Variants in MGLL observed in about 807,000 individuals in gnomAD.
MGLL encodes monoglyceride lipase.
A neutral mutation model predicts 29.1 loss-of-function variants in MGLL; 7 were observed. That is an observed-to-expected ratio of 0.24 (90% CI 0.14 to 0.45). The LOEUF (loss-of-function observed/expected upper bound fraction) is 0.45. Ranked by LOEUF, MGLL falls within the 20% of genes least tolerant of loss-of-function variation. MGLL has a pLI of 0.99. For missense variants in MGLL, 356 were observed against 413.6 expected (o/e 0.86, Z 1.21); for synonymous variants, 148 against 168.3 (o/e 0.88, Z 0.93).
At chr3:127,778,026 A>G (rs1233354922) in intron 3 of MGLL, among the ~76,000 whole-genome samples, 2 of 152,184 alleles carry the variant, frequency 1.3e-5, no homozygotes, top group Non-Finnish European at 2.9e-5. Context: ...CTCTGAGCCC[A>G]CCAATTTACC....
intron 2 of MGLL, among the ~76,000 whole-genome samples, chr3:127,791,703 G>A (rs756755131): frequency 9.9e-5 from 15 of 152,162 alleles, no homozygotes; most frequent in Non-Finnish European, 1.6e-4. Context: ...TGCCTTTTAT[G>A]GAAATTCCTT....
At chr3:127,715,934 C>T in intron 5 of MGLL, 2 of 416,124 alleles carry the variant, frequency 4.8e-6, no homozygotes, top group South Asian at 1.8e-5. Context: ...AATAGTCCTA[C>T]AGGAGCATTG....
intron 2 of MGLL, among the ~76,000 whole-genome samples, chr3:127,818,956 C>G (rs1261580740): frequency 6.6e-6 from 1 of 152,204 alleles, no homozygotes; most frequent in African/African-American, 2.4e-5. Flanking sequence ...ACCGTAAACA[C>G]TACAGCATGA....
At chr3:127,809,489 G>T (rs2077623875) in intron 2 of MGLL, among the ~76,000 whole-genome samples, 1 of 152,136 alleles carries the variant, frequency 6.6e-6, no homozygotes, top group South Asian at 2.1e-4. Context: ...GTCTGGGTAT[G>T]GTGGCAAGTG....
chr3:127,785,542 A>C (rs1001516076), intron 2 of MGLL, among the ~76,000 whole-genome samples: 1 of 152,250 alleles, frequency 6.6e-6, no homozygotes, highest in African/African-American at 2.4e-5. Flanking sequence ...TGCACATCCC[A>C]GTTGCTGGGA....
At chr3:127,778,517 C>T (rs2077072334) in intron 3 of MGLL, among the ~76,000 whole-genome samples, 1 of 152,184 alleles carries the variant, frequency 6.6e-6, no homozygotes, top group African/African-American at 2.4e-5. Context: ...GGACCCTGGA[C>T]TGGGTGTATT....
intron 3 of MGLL, among the ~76,000 whole-genome samples, chr3:127,725,037 C>G (rs1451885095): frequency 6.6e-6 from 1 of 152,114 alleles, no homozygotes; most frequent in Admixed American, 6.5e-5. Flanking sequence ...TCCCCTCCCT[C>G]CTTAAGGGGT....
intron 2 of MGLL, among the ~76,000 whole-genome samples, chr3:127,783,014 A>G (rs1461940783): frequency 1.3e-5 from 2 of 151,998 alleles, no homozygotes; most frequent in Non-Finnish European, 2.9e-5. Context: ...GTCACTATAA[A>G]AAGTACAAAA....
intron 3 of MGLL, among the ~76,000 whole-genome samples, chr3:127,748,697 T>C (rs918891331): frequency 3.4e-4 from 51 of 151,926 alleles, no homozygotes; most frequent in African/African-American, 1.9e-4. Flanking sequence ...TAGCAACACA[T>C]TGATCTTGCA....
At chr3:127,755,805 T>C (rs1312115014) in intron 3 of MGLL, among the ~76,000 whole-genome samples, 7 of 152,248 alleles carry the variant, frequency 4.6e-5, no homozygotes. Context: ...CTATGACTAT[T>C]GTTTGTAGAA....
At chr3:127,704,573 G>C (rs1311389830) in intron 6 of MGLL, among the ~76,000 whole-genome samples, 2 of 152,070 alleles carry the variant, frequency 1.3e-5, no homozygotes, top group Non-Finnish European at 2.9e-5. Flanking sequence ...CATCAATAAT[G>C]GGCAAAGGAT....
intron 3 of MGLL, among the ~76,000 whole-genome samples, chr3:127,751,976 T>A (rs371235712): frequency 6.6e-6 from 1 of 152,234 alleles, no homozygotes; most frequent in South Asian, 2.1e-4. Flanking sequence ...CTTTACAAAT[T>A]GTTATTTAAA....
At chr3:127,706,874 T>C (rs1435152100) in intron 6 of MGLL, among the ~76,000 whole-genome samples, 2 of 152,160 alleles carry the variant, frequency 1.3e-5, no homozygotes, top group Admixed American at 1.3e-4. Flanking sequence ...GTGGTTACGC[T>C]TAAGTCGAAG....
intron 3 of MGLL, among the ~76,000 whole-genome samples, chr3:127,766,265 G>A (rs548855340): frequency 2.0e-5 from 3 of 152,268 alleles, no homozygotes; most frequent in South Asian, 4.1e-4. Context: ...TCCTGAGGCA[G>A]TAACCAGGTC....
chr3:127,717,025 A>C (rs2075829294), intron 5 of MGLL, among the ~76,000 whole-genome samples: 1 of 152,206 alleles, frequency 6.6e-6, no homozygotes, highest in Admixed American at 6.5e-5. Context: ...CTAGGAAGAC[A>C]GCTGATTCCT....
chr3:127,812,654 C>A (rs542871620), intron 2 of MGLL, among the ~76,000 whole-genome samples: 240 of 152,170 alleles, frequency 1.6e-3, no homozygotes, highest in Non-Finnish European at 2.6e-3. Flanking sequence ...TGGCACAGGT[C>A]CGCAGAGTCC....
chr3:127,741,963 T>C (rs1010416067), intron 3 of MGLL, among the ~76,000 whole-genome samples: 8 of 152,218 alleles, frequency 5.3e-5, no homozygotes, highest in Non-Finnish European at 8.8e-5. Context: ...CAACTACTTA[T>C]TGTGGAGCAT....
rs901237309 is a variant in MGLL, at chr3:127,736,318, C to A, written c.263-13752G>T. ...ACAAGAAGTGAAACTTTTAGAAAGC[C>A]TGGGTGATAAGCAACTAAAAACAGC... On this transcript the variant is annotated intron_variant, in intron 3 of 7. Coordinates refer to ENST00000265052, the MANE Select transcript of MGLL (RefSeq NM_007283.7). 18 of 985,706 alleles carry A rather than the reference C, an allele frequency of 1.8e-5. No individual in the cohort carries two copies. In the South Asian group the frequency reaches 6.6e-4, roughly 36 times the overall value. The allele number at this position is 985,706 out of a possible 1,614,324, so 61.1% of individuals were successfully genotyped here. A position where few individuals can be genotyped will look rare whatever the true frequency, so the allele number is the denominator to read the frequency against.
At chr3:127,815,437 C>G (rs1270581867) in intron 2 of MGLL, among the ~76,000 whole-genome samples, 1 of 152,262 alleles carries the variant, frequency 6.6e-6, no homozygotes, top group African/African-American at 2.4e-5. Context: ...GCTGCCCATG[C>G]ATCCTCAGGT....
Sources: allele counts gnomAD v4.1 joint callset (sites outside exome capture counted in the v4.1 genomes callset), GRCh38; gene constraint gnomAD v4.1.1; transcripts MANE v1.5; gene names NCBI Gene and HGNC (gene_info 2026-07-23, HGNC 2026-07-21).